Variants in ZIC4 observed in about 807,000 individuals in gnomAD.
The protein encoded by ZIC4 is zinc finger protein ZIC 4.
In ZIC4, 15 loss-of-function variants were observed where a neutral mutation model predicts 28.8. That is an observed-to-expected ratio of 0.52 (90% CI 0.35 to 0.80). The LOEUF (loss-of-function observed/expected upper bound fraction) is 0.80, where lower values mean the gene tolerates loss of function less well. Among genes scored for constraint, ZIC4 ranks in the 30% least tolerant of loss-of-function variants. The pLI, the probability that ZIC4 is intolerant of heterozygous loss-of-function variation, is 0.01. For synonymous variants in ZIC4, 220 were observed against 198.1 expected (o/e 1.11, Z -0.93); for missense variants, 512 against 467.1 (o/e 1.10, Z -0.89).
intron 1 of ZIC4, chr3:147,404,145 A>C (rs541591291): frequency 6.5e-7 from 1 of 1,531,494 alleles, no homozygotes; most frequent in African/African-American, 1.4e-5. Context: ...GATGTCTGGC[A>C]TGGAAAAGTC....
rs1173387846 is a variant in ZIC4, at chr3:147,388,841, C to A, written c.*18G>T. 2 of 779,778 alleles carry A rather than the reference C, an allele frequency of 2.6e-6. No individual in the cohort carries two copies. The highest frequency in any genetic ancestry group is 1.3e-5 in the South Asian group (1 of 74,220). 48.3% of individuals were successfully genotyped at this position (779,778 alleles called of 1,614,324 possible). On this transcript the variant is annotated 3_prime_UTR_variant, in exon 5 of 5. Coordinates refer to ENST00000383075, the MANE Select transcript of ZIC4 (RefSeq NM_032153.6). Reference sequence around the variant, plus strand: ...AGCTGCGCGGAGCGAGATTACCTTGCGAGCAACGCGGTGGACATCTGTAAC... The same window carrying A: ...AGCTGCGCGGAGCGAGATTACCTTGAGAGCAACGCGGTGGACATCTGTAAC...
At chr3:147,400,238 T>G (rs1184006149) in intron 2 of ZIC4, among the ~76,000 whole-genome samples, 2 of 152,236 alleles carry the variant, frequency 1.3e-5, no homozygotes, top group South Asian at 4.1e-4. Context: ...CCACTGACTC[T>G]CTGGACTCCA....
Position 147,390,995 on chromosome 3 carries a change from C to T in ZIC4, c.940G>A (p.Gly314Ser). 1.2e-6 allele frequency: 2 copies of T among 1,613,236 alleles called. No individual in the cohort carries two copies. Among genetic ancestry groups the T allele is most frequent in the Non-Finnish European group, 1.7e-6 (2 of 1,179,840 alleles). ...GAGGAGGCCACCTGGGACTTGTGGCCGCAGTCCGACGAGGGCGACACGAGG... is the reference window on the plus strand; with the variant it reads ...GAGGAGGCCACCTGGGACTTGTGGCTGCAGTCCGACGAGGGCGACACGAGG... ...SALVSPSSDC[G>S]HKSQVASSAA... Residue 314 changes from glycine to serine, a missense_variant, in exon 4 of 5, where the codon GGC (glycine) becomes AGC (serine). Transcript: ENST00000383075.
intron 3 of ZIC4, chr3:147,392,321 G>C: frequency 2.0e-6 from 2 of 985,708 alleles, no homozygotes; most frequent in Non-Finnish European, 2.4e-6. Flanking sequence ...CCGGGGAGGG[G>C]CTGGGATCGG....
At chr3:147,398,720 G>A (rs1190406367) in intron 2 of ZIC4, among the ~76,000 whole-genome samples, 2 of 152,090 alleles carry the variant, frequency 1.3e-5, no homozygotes, top group Non-Finnish European at 1.5e-5. Context: ...TTTAAGAAAA[G>A]TTTTAAAGAT....
chr3:147,391,417 G>GC, intron 3 of ZIC4, 171 bp from the exon 4 acceptor site: 1 of 765,580 alleles, frequency 1.3e-6, no homozygotes, highest in Non-Finnish European at 2.0e-6. Context: ...TGCAGAGAGC[G>GC]CCCCCGGTGC....
chr3:147,399,937 A>C (rs1391038535), intron 2 of ZIC4, among the ~76,000 whole-genome samples: 1 of 152,148 alleles, frequency 6.6e-6, no homozygotes, highest in Non-Finnish European at 1.5e-5. Context: ...CAGTGCTGGG[A>C]TTACAGGCGT....
chr3:147,391,296 C>A, intron 3 of ZIC4, 50 bp from the exon 4 acceptor site: 1 of 1,505,870 alleles, frequency 6.6e-7, no homozygotes, highest in Non-Finnish European at 8.9e-7. Flanking sequence ...GTGTTCCCGT[C>A]AGGTGCTTGC....
intron 4 of ZIC4, 109 bp from the exon 5 acceptor site, chr3:147,388,968 A>G (rs2086850439): frequency 1.4e-6 from 1 of 704,776 alleles, no homozygotes; most frequent in East Asian, 2.5e-5. Context: ...GCTTAGAAAC[A>G]GAAGACAAAG....
chr3:147,404,105 C>G, intron 1 of ZIC4: 5 of 1,535,648 alleles, frequency 3.3e-6, no homozygotes, highest in Non-Finnish European at 3.5e-6. Context: ...GCATGCTGGG[C>G]GTCCTCGCTC....
At chr3:147,395,807 C>T (rs778317920) in intron 3 of ZIC4, 45 bp downstream of exon 3, 1 of 1,569,596 alleles carries the variant, frequency 6.4e-7, no homozygotes, top group Non-Finnish European at 8.7e-7. Context: ...CGAGGGCCTG[C>T]TTCCCCAGAG....
intron 4 of ZIC4, 62 bp from the exon 5 acceptor site, chr3:147,388,921 T>C (rs2086849773): frequency 6.5e-6 from 5 of 774,656 alleles, no homozygotes; most frequent in South Asian, 2.7e-5. Context: ...TTGTTTTATT[T>C]CATTATTTTA....
Position 147,386,564 on chromosome 3 carries a change from C to T in ZIC4, c.*2295G>A, listed in dbSNP as rs986696175. 2.6e-5 allele frequency: 4 copies of T among 152,642 alleles called. No individual in the cohort carries two copies. Among genetic ancestry groups the T allele is most frequent in the African/African-American group, 9.6e-5 (4 of 41,456 alleles). 9.5% of individuals were successfully genotyped at this position (152,642 alleles called of 1,614,324 possible). On this transcript the variant is annotated 3_prime_UTR_variant, in exon 5 of 5. Coordinates refer to ENST00000383075, the MANE Select transcript of ZIC4 (RefSeq NM_032153.6). ...AAAACTTCTTTACAAGCCATTTATT[C>T]AGCACACACAGAGTAGGGGGACCAG...
intron 1 of ZIC4, chr3:147,404,104 G>T: frequency 6.5e-7 from 1 of 1,536,108 alleles, no homozygotes; most frequent in Non-Finnish European, 8.7e-7. Flanking sequence ...GGCATGCTGG[G>T]CGTCCTCGCT....
In ZIC4 at chr3:147,395,127, T is replaced by C. The variant is rs2087012481; in HGVS notation, c.688+725A>G. On this transcript the variant is annotated intron_variant, in intron 3 of 4. Transcript: ENST00000383075. ...GGCTGTTCTGGAAGTGTGAAAACTT[T>C]CTCCTTGCAGTTGTATTAATTAGAG... 2.0e-5 allele frequency among the ~76,000 whole-genome samples: 3 copies of C among 152,154 alleles called. No individual in the cohort carries two copies. In the South Asian group the frequency reaches 6.2e-4, roughly 32 times the overall value.
rs1269336385 is a variant in ZIC4, at chr3:147,402,581, G to A, written c.70+147C>T. 8 of 637,096 alleles carry A rather than the reference G, an allele frequency of 1.3e-5. No homozygotes were observed. In the East Asian group the frequency reaches 2.0e-4, roughly 16 times the overall value. The allele number at this position is 637,096 out of a possible 1,614,324, so 39.5% of individuals were successfully genotyped here. ...TGTATTGAACACTAAGGAGTTCTAAGTTTCATTTGAACTCAAGAAACTCCC... is the reference window on the plus strand; with the variant it reads ...TGTATTGAACACTAAGGAGTTCTAAATTTCATTTGAACTCAAGAAACTCCC... On this transcript the variant is annotated intron_variant, in intron 2 of 4. Coordinates refer to ENST00000383075, the MANE Select transcript of ZIC4 (RefSeq NM_032153.6).
intron 2 of ZIC4, among the ~76,000 whole-genome samples, chr3:147,400,603 G>T (rs2107981005): frequency 6.6e-6 from 1 of 152,288 alleles, no homozygotes; most frequent in South Asian, 2.1e-4. Flanking sequence ...CCAGCAATGG[G>T]ACCAGACATT....
intron 1 of ZIC4, chr3:147,404,402 T>C: frequency 1.4e-6 from 1 of 708,948 alleles, no homozygotes; most frequent in South Asian, 5.2e-5. Flanking sequence ...AGCGTTTCCA[T>C]CACACAGCCT....
rs2087060931 is a variant in ZIC4, at chr3:147,396,923, C to G, written c.71-454G>C. On this transcript the variant is annotated intron_variant, in intron 2 of 4. Transcript: ENST00000383075. This position sits in a 1 kb window ranked among gnomAD's most constrained non-coding sequence, Gnocchi z 4.2. ...TGGTGGTGGTTCTGAAGCGCCCCAG[C>G]CATATATATTTTCAGTGCCCCGCTT... is the stretch of plus-strand genomic sequence containing the variant. 1 of 155,200 alleles carries G rather than the reference C, an allele frequency of 6.4e-6. No individual in the cohort carries two copies. The highest frequency in any genetic ancestry group is 6.5e-5 in the Admixed American group (1 of 15,396). The allele number at this position is 155,200 out of a possible 1,614,324, so 9.6% of individuals were successfully genotyped here.
Sources: allele counts gnomAD v4.1 joint callset (sites outside exome capture counted in the v4.1 genomes callset), GRCh38; gene constraint gnomAD v4.1.1; non-coding constraint Gnocchi (gnomAD v3.1); transcripts MANE v1.5; gene names NCBI Gene and HGNC (gene_info 2026-07-23, HGNC 2026-07-21).